TCF4: variants seen among roughly 807,000 people sequenced by gnomAD.
TCF4 encodes SL3-3 enhancer factor 2.
In TCF4, 3 loss-of-function variants were observed where a neutral mutation model predicts 82.1. That is an observed-to-expected ratio of 0.04 (90% CI 0.02 to 0.09). The LOEUF (loss-of-function observed/expected upper bound fraction) is 0.09, where lower values mean the gene tolerates loss of function less well. Ranked by LOEUF, TCF4 falls within the 10% of genes least tolerant of loss-of-function variation. The probability of loss-of-function intolerance (pLI) is 1.00; values close to 1 mark genes in which losing one functional copy is unlikely to be tolerated. For missense variants in TCF4, 518 were observed against 852.7 expected (o/e 0.61, Z 4.89); for synonymous variants, 276 against 309.6 (o/e 0.89, Z 1.14).
At chr18:55,616,856 T>C (rs1008666199) in intron 2 of TCF4, among the ~76,000 whole-genome samples, 9 of 152,164 alleles carry the variant, frequency 5.9e-5, no homozygotes, top group Admixed American at 5.9e-4. Flanking sequence ...ATCAGATATA[T>C]GGTTTGCAGA....
intron 2 of TCF4, among the ~76,000 whole-genome samples, chr18:55,628,716 C>A (rs1210424594): frequency 6.6e-6 from 1 of 152,154 alleles, no homozygotes. Flanking sequence ...AAACTTCACA[C>A]CCTTGAAGGA....
At chr18:55,313,674 T>A (rs1049759779) in intron 8 of TCF4, among the ~76,000 whole-genome samples, 12 of 152,122 alleles carry the variant, frequency 7.9e-5, no homozygotes, top group African/African-American at 2.9e-4. Flanking sequence ...TCTAGAATTA[T>A]AATAACAAAC....
At chr18:55,242,232 C>T (rs1237434092) in intron 15 of TCF4, among the ~76,000 whole-genome samples, 1 of 152,188 alleles carries the variant, frequency 6.6e-6, no homozygotes, top group Non-Finnish European at 1.5e-5. Flanking sequence ...ACCCTTAAAA[C>T]ACATTCAAGG....
At chr18:55,463,685 T>C (rs192501723) in intron 4 of TCF4, among the ~76,000 whole-genome samples, 9 of 152,260 alleles carry the variant, frequency 5.9e-5, no homozygotes, top group African/African-American at 1.7e-4. Flanking sequence ...CAATACCTTA[T>C]AGGGATATTA....
chr18:55,597,419 G>T (rs1457524541), intron 2 of TCF4, among the ~76,000 whole-genome samples: 1 of 152,068 alleles, frequency 6.6e-6, no homozygotes, highest in East Asian at 1.9e-4. Flanking sequence ...AAAGGAGATG[G>T]TTAAAAAGGC....
intron 5 of TCF4, among the ~76,000 whole-genome samples, chr18:55,441,919 T>G (rs1469787964): frequency 6.6e-6 from 1 of 152,198 alleles, no homozygotes; most frequent in Non-Finnish European, 1.5e-5. Flanking sequence ...GGAAGTCAAC[T>G]GAAACTGACT....
chr18:55,261,246 G>A, intron 12 of TCF4: 1 of 604,002 alleles, frequency 1.7e-6, no homozygotes, highest in Non-Finnish European at 2.9e-6. Context: ...CCATAATTGA[G>A]TGCAGCTTAG....
At position 55,559,468 on chromosome 18, in the gene TCF4, A is replaced by G. The variant is rs9956396; in HGVS notation, c.145+25812T>C. ...GATAATGTTGTGTGTACATGAATAT[A>G]TTCTTTAAAAAAGGTTTATTAACCA... On this transcript the variant is annotated intron_variant, in intron 3 of 19. Coordinates refer to ENST00000354452, the MANE Select transcript of TCF4 (RefSeq NM_001083962.2). Among the ~76,000 whole-genome samples, 1,518 of 152,272 alleles carry G rather than the reference A, an allele frequency of 1.0e-2. 20 individuals carry two copies. The highest frequency in any genetic ancestry group is 0.044 in the Middle Eastern group (13 of 294).
At chr18:55,404,938 T>A (rs558696911) in intron 5 of TCF4, among the ~76,000 whole-genome samples, 1 of 152,372 alleles carries the variant, frequency 6.6e-6, no homozygotes, top group Admixed American at 6.5e-5. Context: ...GCCCCATTTC[T>A]GGTCTAGCGC....
chr18:55,401,012 G>A, intron 6 of TCF4: 1 of 1,289,150 alleles, frequency 7.8e-7, no homozygotes, highest in Non-Finnish European at 1.0e-6. Flanking sequence ...TTGTCACACA[G>A]TGGGGAATCA....
chr18:55,386,993 A>C (rs1397403244), intron 6 of TCF4, among the ~76,000 whole-genome samples: 3 of 152,224 alleles, frequency 2.0e-5, no homozygotes, highest in African/African-American at 7.2e-5. Flanking sequence ...TTTACACTAG[A>C]ACAGAAAAAA....
At chr18:55,333,912 C>G (rs1051107955) in intron 8 of TCF4, among the ~76,000 whole-genome samples, 8 of 152,160 alleles carry the variant, frequency 5.3e-5, no homozygotes, top group African/African-American at 1.9e-4. Flanking sequence ...GCCCTGAGTT[C>G]ACAAACTATA....
chr18:55,455,267 G>A (rs1218360734), intron 5 of TCF4, among the ~76,000 whole-genome samples: 1 of 150,912 alleles, frequency 6.6e-6, no homozygotes, highest in Non-Finnish European at 1.5e-5. Flanking sequence ...GAAAAACTGA[G>A]TTCTCCTGAC....
At chr18:55,514,744 CAT>C (rs766605323) in intron 3 of TCF4, among the ~76,000 whole-genome samples, 5 of 152,040 alleles carry the variant, frequency 3.3e-5, no homozygotes, top group Non-Finnish European at 7.4e-5. Context: ...TGAGGAAAAA[CAT>C]ATGATTTAAT....
chr18:55,607,093 C>G (rs1426675816), intron 2 of TCF4, among the ~76,000 whole-genome samples: 1 of 152,098 alleles, frequency 6.6e-6, no homozygotes, highest in African/African-American at 2.4e-5. Context: ...TGCCTCATCT[C>G]TTCATTGTTG....
chr18:55,363,302 G>A (rs2085971699), intron 6 of TCF4, among the ~76,000 whole-genome samples: 1 of 151,976 alleles, frequency 6.6e-6, no homozygotes, highest in Admixed American at 6.5e-5. Context: ...TTCAATAAAT[G>A]GTAACTAAAG....
intron 5 of TCF4, among the ~76,000 whole-genome samples, chr18:55,437,143 C>G (rs1269034820): frequency 1.3e-5 from 2 of 152,168 alleles, no homozygotes; most frequent in African/African-American, 4.8e-5. Flanking sequence ...AATGGGGGTT[C>G]TTTTCGAAAT....
intron 3 of TCF4, among the ~76,000 whole-genome samples, chr18:55,561,717 A>C (rs954479549): frequency 3.3e-5 from 5 of 152,346 alleles, no homozygotes; most frequent in Non-Finnish European, 5.9e-5. Flanking sequence ...TCTGTTAACA[A>C]GAATAAGACA....
chr18:55,408,188 C>T (rs1413583486), intron 5 of TCF4, among the ~76,000 whole-genome samples: 1 of 152,146 alleles, frequency 6.6e-6, no homozygotes, highest in African/African-American at 2.4e-5. Context: ...AGGTGTTTCA[C>T]CCACCGCTGA....
Sources: allele counts gnomAD v4.1 joint callset (sites outside exome capture counted in the v4.1 genomes callset), GRCh38; gene constraint gnomAD v4.1.1; transcripts MANE v1.5; gene names NCBI Gene and HGNC (gene_info 2026-07-23, HGNC 2026-07-21).